The following CHODL variants were observed in gnomAD, a reference collection of about 807,000 sequenced individuals.
CHODL encodes chondrolectin.
In CHODL, 29 loss-of-function variants were observed where a neutral mutation model predicts 34.5. That is an observed-to-expected ratio of 0.84 (90% CI 0.63 to 1.15). CHODL has a LOEUF of 1.15. Among genes scored for constraint, CHODL ranks in the 50% most tolerant of loss-of-function variants. CHODL has a pLI of 0.00. For synonymous variants in CHODL, 125 were observed against 116.1 expected (o/e 1.08, Z -0.49); for missense variants, 332 against 332.5 (o/e 1.00, Z 0.01).
intron 1 of CHODL, among the ~76,000 whole-genome samples, chr21:18,020,165 C>A (rs768251295): frequency 6.6e-6 from 1 of 152,008 alleles, no homozygotes; most frequent in Non-Finnish European, 1.5e-5. Context: ...CTATTTTCCC[C>A]GAAGAACCAG....
chr21:18,042,183 T>G (rs997329800), intron 2 of CHODL, among the ~76,000 whole-genome samples: 1 of 151,898 alleles, frequency 6.6e-6, no homozygotes. Flanking sequence ...AATTTTTAAT[T>G]TTAATATTTT....
intron 2 of CHODL, among the ~76,000 whole-genome samples, chr21:18,158,646 T>G (rs1378487779): frequency 6.6e-6 from 1 of 152,098 alleles, no homozygotes; most frequent in Non-Finnish European, 1.5e-5. Flanking sequence ...AAGACCAGAC[T>G]GGCCAACATG....
At chr21:18,221,822 G>A (rs1007441840) in intron 2 of CHODL, among the ~76,000 whole-genome samples, 12 of 152,204 alleles carry the variant, frequency 7.9e-5, no homozygotes, top group Non-Finnish European at 8.8e-5. Flanking sequence ...GAGCCTCTGA[G>A]CAGGGTGCAC....
intron 2 of CHODL, among the ~76,000 whole-genome samples, chr21:18,179,343 A>G (rs1319943993): frequency 1.3e-5 from 2 of 152,180 alleles, no homozygotes; most frequent in Non-Finnish European, 2.9e-5. Context: ...GTTTTTCAGA[A>G]TACCACCTTG....
At chr21:18,258,519 G>A (rs2146816989) in intron 3 of CHODL, among the ~76,000 whole-genome samples, 1 of 151,798 alleles carries the variant, frequency 6.6e-6, no homozygotes, top group South Asian at 2.1e-4. Flanking sequence ...CCATTATTTA[G>A]GACACTGTAA....
intron 2 of CHODL, among the ~76,000 whole-genome samples, chr21:18,033,975 A>G (rs569791528): frequency 1.3e-5 from 2 of 152,158 alleles, no homozygotes; most frequent in South Asian, 4.1e-4. Flanking sequence ...TTTGAGTATC[A>G]GCGTGATTTC....
At chr21:18,252,625 T>C (rs1159307503) in intron 1 of CHODL, among the ~76,000 whole-genome samples, 2 of 152,076 alleles carry the variant, frequency 1.3e-5, no homozygotes, top group Non-Finnish European at 2.9e-5. Flanking sequence ...TAGAATTGAA[T>C]GTAAAGAAAT....
At chr21:17,993,284 G>A (rs1272222222) in intron 1 of CHODL, among the ~76,000 whole-genome samples, 1 of 152,092 alleles carries the variant, frequency 6.6e-6, no homozygotes, top group Non-Finnish European at 1.5e-5. Flanking sequence ...CCTTTGTCAT[G>A]GGGGTTTGTT....
intron 2 of CHODL, among the ~76,000 whole-genome samples, chr21:18,163,892 A>G (rs753237114): frequency 1.1e-4 from 16 of 152,154 alleles, no homozygotes; most frequent in Non-Finnish European, 2.1e-4. Context: ...CATTTTACTG[A>G]TCCCCAGTGT....
chr21:18,173,245 A>G (rs1045901700), intron 2 of CHODL, among the ~76,000 whole-genome samples: 5 of 152,156 alleles, frequency 3.3e-5, no homozygotes, highest in Admixed American at 1.3e-4. Flanking sequence ...ACTTAACACG[A>G]TATGATCACA....
At chr21:18,084,645 T>A (rs1301285987) in intron 2 of CHODL, among the ~76,000 whole-genome samples, 3 of 152,200 alleles carry the variant, frequency 2.0e-5, no homozygotes, top group Admixed American at 1.3e-4. Flanking sequence ...GATACAATTT[T>A]GATTTTAAAA....
chr21:18,117,594 A>C (rs1362762294), intron 2 of CHODL, among the ~76,000 whole-genome samples: 1 of 123,126 alleles, frequency 8.1e-6, no homozygotes, highest in Admixed American at 7.6e-5. Context: ...TTAATGAACA[A>C]GACTGATTAA....
intron 1 of CHODL, among the ~76,000 whole-genome samples, chr21:18,003,055 C>T (rs1272314174): frequency 1.3e-5 from 2 of 148,420 alleles, no homozygotes; most frequent in East Asian, 2.0e-4. Flanking sequence ...CCCCGGGGGG[C>T]GGAGTGTGCA....
Position 18,128,826 on chromosome 21 carries a change from T to C in CHODL, c.-45+100855T>C, listed in dbSNP as rs561007935. On this transcript the variant is annotated intron_variant, in intron 2 of 6. Coordinates refer to the CHODL transcript ENST00000400127. ...GCATATATTACATATTCATAAAACATTTATTTGTAAAATTAATAGTTTCAT... is the reference window on the plus strand; with the variant it reads ...GCATATATTACATATTCATAAAACACTTATTTGTAAAATTAATAGTTTCAT... 2.4e-4 allele frequency among the ~76,000 whole-genome samples: 37 copies of C among 152,256 alleles called. No individual in the cohort carries two copies. The East Asian group carries it at 6.8e-3, about 28-fold the overall frequency.
chr21:18,149,692 C>T (rs1450771005), intron 2 of CHODL, among the ~76,000 whole-genome samples: 1 of 152,168 alleles, frequency 6.6e-6, no homozygotes, highest in Non-Finnish European at 1.5e-5. Context: ...TTGCACCTGT[C>T]TTGTAAAAGT....
At chr21:18,084,983 G>T (rs1326458052) in intron 2 of CHODL, among the ~76,000 whole-genome samples, 2 of 147,926 alleles carry the variant, frequency 1.4e-5, no homozygotes, top group African/African-American at 5.0e-5. Context: ...TCCAATGTTG[G>T]GTGCATGTAC....
chr21:17,923,298 C>T (rs2063197069), intron 1 of CHODL, among the ~76,000 whole-genome samples: 1 of 150,942 alleles, frequency 6.6e-6, no homozygotes, highest in Non-Finnish European at 1.5e-5. Context: ...CTGCCAAAGT[C>T]TGCATTATCA....
chr21:17,976,333 C>A (rs922398607), intron 1 of CHODL, among the ~76,000 whole-genome samples: 17 of 131,602 alleles, frequency 1.3e-4, no homozygotes, highest in African/African-American at 4.3e-4. Context: ...AGTTTCTATT[C>A]TTTTAGTTGA....
chr21:18,140,867 T>C (rs137971110), intron 2 of CHODL, among the ~76,000 whole-genome samples: 4,521 of 152,164 alleles, frequency 0.03, 221 homozygotes, highest in African/African-American at 0.1. Flanking sequence ...TTTCCTCACA[T>C]TTGAAAATGC....
Sources: gnomAD v4.1 joint callset for allele counts (sites outside exome capture counted in the v4.1 genomes callset) on GRCh38, gnomAD v4.1.1 for gene constraint, MANE v1.5 for transcripts, NCBI Gene and HGNC (gene_info 2026-07-23, HGNC 2026-07-21) for gene names.